The following PCDH17 variants were observed in gnomAD, a reference collection of about 807,000 sequenced individuals.
PCDH17 encodes the protein protocadherin-17.
In PCDH17, 21 loss-of-function variants were observed where a neutral mutation model predicts 67.7. The ratio of observed to expected loss-of-function variants is 0.31; its 90% CI spans 0.22 to 0.45. The LOEUF (loss-of-function observed/expected upper bound fraction) is 0.45. PCDH17 is among the 20% of genes least tolerant of loss of function. The probability of loss-of-function intolerance (pLI) is 1.00; values close to 1 mark genes in which losing one functional copy is unlikely to be tolerated. For missense variants in PCDH17, 1,471 were observed against 1,564.8 expected (o/e 0.94, Z 1.01); for synonymous variants, 701 against 656.7 (o/e 1.07, Z -1.03).
Position 57,633,854 on chromosome 13 carries a change from C to T in PCDH17, c.1308C>T (p.Asp436=), listed in dbSNP as rs1205785336. 6.2e-7 allele frequency: 1 copy of T among 1,613,046 alleles called. No homozygotes were observed. Among genetic ancestry groups the T allele is most frequent in the Non-Finnish European group, 8.5e-7 (1 of 1,180,044 alleles). ...TDRPLDRETQ[D]EYNVTIVARD... is the part of the protein sequence containing the mutation. ...GCCCGCTGGACCGCGAGACACAAGA[C>T]GAGTACAACGTGACCATCGTGGCGC... The change falls in exon 1 of 4, where the codon GAC becomes GAT. Residue 436 remains aspartate (D), a synonymous_variant. Transcript: ENST00000377918. This position sits in a 1 kb window ranked among gnomAD's most constrained non-coding sequence, Gnocchi z 6.2.
chr13:57,669,016 G>A lies in PCDH17; in HGVS notation c.2797+2183G>A, dbSNP rs138142642. ...CTCCCCCCACCCCACAACAGGCCCC[G>A]TGTGTGATGTTCCCCTTCCTGTGTC... is the stretch of plus-strand genomic sequence containing the variant. On this transcript the variant is annotated intron_variant, in intron 3 of 3. Transcript: ENST00000377918. Among the ~76,000 whole-genome samples, 956 of 151,476 alleles carry A rather than the reference G, an allele frequency of 6.3e-3. 9 individuals are homozygous for A. Among genetic ancestry groups the A allele is most frequent in the African/African-American group, 0.022 (911 of 41,316 alleles).
rs779625778 is a variant in PCDH17 at position 57,632,561 on chromosome 13, C to T, written c.15C>T (p.Ile5=). Residue 5 remains isoleucine (I), a synonymous_variant, in exon 1 of 4, where the codon ATC becomes ATT. Coordinates refer to ENST00000377918, the MANE Select transcript of PCDH17 (RefSeq NM_001040429.3). ...ACAGGTCTGGGATGTACCTTTCCAT[C>T]TGTTGCTGCTTTCTTCTATGGGCCC... is the stretch of plus-strand genomic sequence containing the variant. MYLS[I]CCCFLLWAPA... is the part of the protein sequence containing the mutation. The T allele has an allele frequency of 6.2e-7, 1 of 1,613,706 alleles. No individual in the cohort carries two copies. The highest frequency in any genetic ancestry group is 1.1e-5 in the South Asian group (1 of 91,058).
At chr13:57,635,199 GC>G in intron 1 of PCDH17, 88 bp downstream of exon 1, 1 of 1,342,588 alleles carries the variant, frequency 7.4e-7, no homozygotes, top group Non-Finnish European at 1.0e-6. Flanking sequence ...AAGCCACTCT[GC>G]CAGCAGCAGT....
chr13:57,676,983 G>GA (rs1027933023), intron 3 of PCDH17, among the ~76,000 whole-genome samples: 1 of 151,758 alleles, frequency 6.6e-6, no homozygotes, highest in African/African-American at 2.4e-5. Flanking sequence ...ACATTTACTT[G>GA]AAAAAAATAT....
chr13:57,711,338 G>T (rs1955774585), intron 3 of PCDH17, among the ~76,000 whole-genome samples: 2 of 151,856 alleles, frequency 1.3e-5, no homozygotes, highest in African/African-American at 4.8e-5. Context: ...TGTTGTGATT[G>T]AGCACCAGGA....
At chr13:57,661,046 T>C (rs1346364497) in intron 1 of PCDH17, among the ~76,000 whole-genome samples, 1 of 152,188 alleles carries the variant, frequency 6.6e-6, no homozygotes, top group East Asian at 1.9e-4. Flanking sequence ...CTGGGTCATA[T>C]GATAGATTTA....
At chr13:57,707,456 T>C (rs1955731737) in intron 3 of PCDH17, among the ~76,000 whole-genome samples, 1 of 151,782 alleles carries the variant, frequency 6.6e-6, no homozygotes, top group Non-Finnish European at 1.5e-5. Context: ...ATTATTTCCT[T>C]CAATAGTATA....
At chr13:57,661,357 T>C (rs1382917667) in intron 1 of PCDH17, among the ~76,000 whole-genome samples, 3 of 152,184 alleles carry the variant, frequency 2.0e-5, no homozygotes, top group Non-Finnish European at 4.4e-5. Context: ...TTTCTTAGTT[T>C]TGACAGTTCG....
chr13:57,722,107 G>T (rs1334585132), intron 3 of PCDH17, among the ~76,000 whole-genome samples: 2 of 152,160 alleles, frequency 1.3e-5, no homozygotes, highest in Admixed American at 1.3e-4. Context: ...CCCACGATGT[G>T]ACATAAAGGA....
rs766287446 is a variant in PCDH17 at position 57,666,851 on chromosome 13, A to G, written c.2797+18A>G. ...TGAACAAGGTGAGTGAAGTCTTCCAATGCTTACAAAGTGTAAAGCTTAAGC... is the reference window on the plus strand; with the variant it reads ...TGAACAAGGTGAGTGAAGTCTTCCAGTGCTTACAAAGTGTAAAGCTTAAGC... On this transcript the variant is annotated intron_variant, in intron 3 of 3. Transcript: ENST00000377918. 1.9e-5 allele frequency: 30 copies of G among 1,586,130 alleles called. No individual in the cohort carries two copies. In the South Asian group the frequency reaches 1.9e-4, roughly 10 times the overall value.
rs372984943 is a variant in PCDH17, at chr13:57,633,833, G to C, written c.1287G>C (p.Pro429=). ...DNFYTVVTDR[P]LDRETQDEYN... ...TCTACACGGTGGTGACTGACCGCCC[G>C]CTGGACCGCGAGACACAAGACGAGT... Residue 429 remains proline (P), a synonymous_variant, in exon 1 of 4, where the codon CCG becomes CCC. Coordinates refer to ENST00000377918, the MANE Select transcript of PCDH17 (RefSeq NM_001040429.3). The surrounding 1 kb of genome is among the most constrained non-coding windows in gnomAD (Gnocchi z 6.2). 1 of 1,612,298 alleles carries C rather than the reference G, an allele frequency of 6.2e-7. No individual in the cohort carries two copies. Among genetic ancestry groups the C allele is most frequent in the Non-Finnish European group, 8.5e-7 (1 of 1,180,004 alleles).
intron 1 of PCDH17, among the ~76,000 whole-genome samples, chr13:57,662,946 A>G (rs1230573975): frequency 6.6e-6 from 1 of 152,104 alleles, no homozygotes. Context: ...CCTTTAACAC[A>G]CAAAGAAAGA....
At chr13:57,682,256 C>T (rs778061789) in intron 3 of PCDH17, among the ~76,000 whole-genome samples, 4 of 151,626 alleles carry the variant, frequency 2.6e-5, no homozygotes, top group South Asian at 4.2e-4. Context: ...GTCATTAAGC[C>T]GTGTTGTTAC....
At chr13:57,630,591 A>G (rs1345730747), upstream of PCDH17, among the ~76,000 whole-genome samples, 2 of 152,204 alleles carry the variant, frequency 1.3e-5, no homozygotes, top group African/African-American at 4.8e-5. Context: ...AAATAAACCA[A>G]TACACCTAGC....
intron 1 of PCDH17, among the ~76,000 whole-genome samples, chr13:57,657,893 C>T (rs1955128780): frequency 6.6e-6 from 1 of 152,126 alleles, no homozygotes; most frequent in African/African-American, 2.4e-5. Flanking sequence ...GTTCTGTTCA[C>T]TACACATCCA....
intron 3 of PCDH17, among the ~76,000 whole-genome samples, chr13:57,713,411 G>A (rs1323260996): frequency 6.6e-6 from 1 of 151,566 alleles, no homozygotes; most frequent in Non-Finnish European, 1.5e-5. Flanking sequence ...AGAACAGAAT[G>A]GTTTTAGAGA....
intron 1 of PCDH17, among the ~76,000 whole-genome samples, chr13:57,657,100 C>A (rs989890473): frequency 2.0e-5 from 3 of 152,020 alleles, no homozygotes; most frequent in Non-Finnish European, 2.9e-5. Context: ...TAAATGCTGG[C>A]ACATCAGTTA....
Position 57,634,152 on chromosome 13 carries a change from G to T in PCDH17, c.1606G>T (p.Ala536Ser), listed in dbSNP as rs1954780830. 3 of 1,613,610 alleles carry T rather than the reference G, an allele frequency of 1.9e-6. No individual in the cohort carries two copies. Among genetic ancestry groups the T allele is most frequent in the Admixed American group, 1.7e-5 (1 of 60,018 alleles). Residue 536 changes from alanine to serine, a missense_variant, in exon 1 of 4, where the codon GCC (alanine) becomes TCC (serine). By Grantham distance (99) the Ala-to-Ser change is moderately conservative. Around this residue, in one of 3 missense-constraint regions of PCDH17, gnomAD observed 1,163 missense variants for 1,230.0 expected, o/e 0.95. Coordinates refer to ENST00000377918, the MANE Select transcript of PCDH17 (RefSeq NM_001040429.3). The surrounding 1 kb of genome is among the most constrained non-coding windows in gnomAD (Gnocchi z 7.8). ...GAATCCCACGAACGGGGCCATCTAC[G>T]CCCTGCGCTCCTTTAACTTCGAGCA... Reference protein sequence around the residue: ...SVNPTNGAIYALRSFNFEQTK... With the variant: ...SVNPTNGAIYSLRSFNFEQTK...
Position 57,634,340 on chromosome 13 carries a change from G to A in PCDH17, c.1794G>A (p.Pro598=), listed in dbSNP as rs539878283. Residue 598 remains proline, a synonymous_variant, in exon 1 of 4, where the codon CCG becomes CCA. Coordinates refer to ENST00000377918, the MANE Select transcript of PCDH17 (RefSeq NM_001040429.3). The surrounding 1 kb of genome is among the most constrained non-coding windows in gnomAD (Gnocchi z 7.8). ...ACGACACCGCGGAGCTGCAGGTGCC[G>A]CGCAACGCTGGCCTGGGCTATCTGG... ...LQNDTAELQV[P]RNAGLGYLVS... is the part of the protein sequence containing the mutation. The A allele has an allele frequency of 6.2e-7, 1 of 1,612,766 alleles. No homozygotes were observed. The highest frequency in any genetic ancestry group is 8.5e-7 in the Non-Finnish European group (1 of 1,180,008).
Sources: gnomAD v4.1 joint callset for allele counts (sites outside exome capture counted in the v4.1 genomes callset) on GRCh38, gnomAD v4.1.1 for gene constraint, gnomAD v4.1.1 regional missense constraint, Gnocchi (gnomAD v3.1) non-coding constraint, MANE v1.5 for transcripts, NCBI Gene and HGNC (gene_info 2026-07-23, HGNC 2026-07-21) for gene names.